Variants in RIMBP2 observed in about 807,000 individuals in gnomAD.
The protein encoded by RIMBP2 is RIMS binding protein 2, also known as RIMS-binding protein 2.
RIMBP2 carries 48 observed loss-of-function variants against 118.6 expected under a neutral mutation model. The observed-to-expected ratio is 0.40, with a 90% CI of 0.32 to 0.51. The LOEUF is 0.51. Ranked by LOEUF, RIMBP2 falls within the 20% of genes least tolerant of loss-of-function variation. RIMBP2 has a pLI of 0.41. For synonymous variants in RIMBP2, 762 were observed against 742.9 expected, an observed-to-expected ratio of 1.03 and a Z score of -0.42; for missense variants, 1,551 against 1,768.3, an observed-to-expected ratio of 0.88 and a Z score of 2.20.
intron 2 of RIMBP2, among the ~76,000 whole-genome samples, chr12:130,572,566 T>G (rs937925355): frequency 1.2e-4 from 18 of 152,010 alleles, no homozygotes; most frequent in African/African-American, 4.4e-4. Flanking sequence ...GCTGGATGAT[T>G]CTAGAAAGCT....
At chr12:130,472,690 G>A (rs145441393) in intron 5 of RIMBP2, among the ~76,000 whole-genome samples, 9 of 152,226 alleles carry the variant, frequency 5.9e-5, no homozygotes, top group African/African-American at 1.2e-4. Flanking sequence ...TCAAAATTCC[G>A]TGCGCTGAAA....
intron 1 of RIMBP2, among the ~76,000 whole-genome samples, chr12:130,700,217 T>A (rs994994548): frequency 6.6e-6 from 1 of 152,174 alleles, no homozygotes; most frequent in Admixed American, 6.5e-5. Flanking sequence ...AGGCCATTTC[T>A]ACAAAGACCC....
chr12:130,446,939 G>T lies in RIMBP2; in HGVS notation c.582-1670C>A, dbSNP rs1335346719. ...GCAGGGATGAGGGACTGAGGTGCAGGAGGACCCTCGGCTTTCTGGCCTCAG... is the reference window on the plus strand; with the variant it reads ...GCAGGGATGAGGGACTGAGGTGCAGTAGGACCCTCGGCTTTCTGGCCTCAG... On this transcript the variant is annotated intron_variant, in intron 9 of 22. Transcript: ENST00000690449. The surrounding 1 kb of genome is among the most constrained non-coding windows in gnomAD (Gnocchi z 4.1). 5.3e-5 allele frequency among the ~76,000 whole-genome samples: 8 copies of T among 151,640 alleles called. No homozygotes were observed. Among genetic ancestry groups the T allele is most frequent in the Admixed American group, 2.6e-4 (4 of 15,216 alleles).
At chr12:130,512,030 C>T (rs1321441545) in intron 3 of RIMBP2, among the ~76,000 whole-genome samples, 5 of 152,144 alleles carry the variant, frequency 3.3e-5, no homozygotes, top group Non-Finnish European at 7.4e-5. Flanking sequence ...GAGAAGGGGG[C>T]GTTCTCTAAT....
intron 7 of RIMBP2, among the ~76,000 whole-genome samples, chr12:130,454,844 C>A (rs1180558871): frequency 2.0e-5 from 3 of 152,216 alleles, no homozygotes; most frequent in Non-Finnish European, 2.9e-5. Flanking sequence ...CCGGGCAGGC[C>A]TGGGACTGCT....
chr12:130,498,650 A>AG (rs1219747389), intron 4 of RIMBP2, among the ~76,000 whole-genome samples: 2 of 151,528 alleles, frequency 1.3e-5, no homozygotes, highest in Admixed American at 6.6e-5. Flanking sequence ...AAAAAAAAAA[A>AG]ACACTCAGTG....
Position 130,397,171 on chromosome 12 carries a change from G to A in RIMBP2, c.*190C>T, listed in dbSNP as rs1234771024. On this transcript the variant is annotated 3_prime_UTR_variant, in exon 23 of 23. Coordinates refer to ENST00000690449, the MANE Select transcript of RIMBP2 (RefSeq NM_001393629.1). ...GGACAATGAGAGCAGACTGCCAGCG[G>A]TGACAGAGAGCAACCGCTCCTCTTT... 2.8e-6 allele frequency: 1 copy of A among 356,114 alleles called. No individual in the cohort carries two copies. Among genetic ancestry groups the A allele is most frequent in the East Asian group, 4.0e-5 (1 of 24,772 alleles). 22.1% of individuals were successfully genotyped at this position (356,114 alleles called of 1,614,324 possible).
At chr12:130,433,273 C>A (rs1051672597) in intron 14 of RIMBP2, among the ~76,000 whole-genome samples, 2 of 152,190 alleles carry the variant, frequency 1.3e-5, no homozygotes, top group Admixed American at 6.5e-5. Context: ...GAGCCAATTC[C>A]ACCTCATTCT....
At chr12:130,649,411 G>C (rs1402129221) in intron 1 of RIMBP2, among the ~76,000 whole-genome samples, 1 of 152,210 alleles carries the variant, frequency 6.6e-6, no homozygotes, top group Non-Finnish European at 1.5e-5. Context: ...CAGCCAGTGG[G>C]GTACTGGGAA....
intron 1 of RIMBP2, among the ~76,000 whole-genome samples, chr12:130,701,537 C>T (rs1376451271): frequency 6.6e-6 from 1 of 152,094 alleles, no homozygotes; most frequent in Non-Finnish European, 1.5e-5. Flanking sequence ...GAAACCTTCA[C>T]AGTCAGGCCC....
chr12:130,441,408 A>AATAATCATAATC (rs763616136), intron 11 of RIMBP2, among the ~76,000 whole-genome samples: 18 of 87,134 alleles, frequency 2.1e-4, no homozygotes, highest in South Asian at 1.2e-3. Context: ...CTCAAATAAT[A>AATAATCATAATC]ATAATAATAA....
rs867958961 is a variant in RIMBP2, at chr12:130,639,498, A to G, written c.-351-11042T>C. ...ACAAGATCCTGCCTCAAAAAAAAAA[A>G]AAAAAAAAAAAAAAACCAACTAAGT... On this transcript the variant is annotated intron_variant, in intron 1 of 22. Coordinates refer to ENST00000690449, the MANE Select transcript of RIMBP2 (RefSeq NM_001393629.1). 3.8e-4 allele frequency among the ~76,000 whole-genome samples: 57 copies of G among 151,058 alleles called. No homozygotes were observed. In the South Asian group the frequency reaches 0.012, roughly 32 times the overall value.
chr12:130,630,461 A>G (rs1158479605), intron 1 of RIMBP2, among the ~76,000 whole-genome samples: 2 of 152,176 alleles, frequency 1.3e-5, no homozygotes, highest in Non-Finnish European at 2.9e-5. Context: ...TGACATAAAC[A>G]ACCAAAATAT....
Position 130,534,672 on chromosome 12 carries a change from A to AT in RIMBP2, c.-216-16756dup, listed in dbSNP as rs1480446768. ...CAGTGGTGCCTGCAGAGGCATGAACATAGCTAAGTTCACCCATGTCATAGA... is the reference window on the plus strand; with the variant it reads ...CAGTGGTGCCTGCAGAGGCATGAACATTAGCTAAGTTCACCCATGTCATAGA... On this transcript the variant is annotated intron_variant, in intron 2 of 22. Transcript: ENST00000690449. 3.5e-4 allele frequency among the ~76,000 whole-genome samples: 54 copies of AT among 152,238 alleles called. 1 individual carries two copies. The highest frequency in any genetic ancestry group is 3.5e-3 in the Admixed American group (54 of 15,290).
At chr12:130,438,555 C>G in intron 11 of RIMBP2, 39 bp from the exon 12 acceptor site, 1 of 1,504,924 alleles carries the variant, frequency 6.6e-7, no homozygotes, top group Non-Finnish European at 8.9e-7. Context: ...GTTCAGGGAC[C>G]AGCCCTGGCA....
chr12:130,479,585 C>T, intron 4 of RIMBP2, among the ~76,000 whole-genome samples: 1 of 127,272 alleles, frequency 7.9e-6, no homozygotes, highest in East Asian at 3.1e-4. Context: ...AACCCAGAGT[C>T]CGCACCCTCC....
intron 3 of RIMBP2, among the ~76,000 whole-genome samples, chr12:130,514,284 C>T (rs1262367951): frequency 1.3e-5 from 2 of 152,238 alleles, no homozygotes; most frequent in Non-Finnish European, 2.9e-5. Context: ...TGCCTTGCAG[C>T]CTTGTTTAAA....
At position 130,523,948 on chromosome 12, in the gene RIMBP2, T is replaced by C. The variant is rs530007561; in HGVS notation, c.-216-6031A>G. 1.3e-5 allele frequency among the ~76,000 whole-genome samples: 2 copies of C among 152,202 alleles called. No individual in the cohort carries two copies. Among genetic ancestry groups the C allele is most frequent in the South Asian group, 4.2e-4 (2 of 4,816 alleles). ...AAAGGCATGTAAGGGCACAGCAAGG[T>C]CTCTGGCTCTCAGGATCTGGTATCC... On this transcript the variant is annotated intron_variant, in intron 2 of 22. Coordinates refer to ENST00000690449, the MANE Select transcript of RIMBP2 (RefSeq NM_001393629.1). This position sits in a 1 kb window ranked among gnomAD's most constrained non-coding sequence, Gnocchi z 4.4.
rs116324950 is a variant in RIMBP2, at chr12:130,703,456, G to A, written c.-352+12766C>T. On this transcript the variant is annotated intron_variant, in intron 1 of 22. Transcript: ENST00000690449. The surrounding 1 kb of genome is among the most constrained non-coding windows in gnomAD (Gnocchi z 5.7). Reference sequence around the variant, plus strand: ...AACGATCACTGTTTTTTAAAAGCGTGGCACGGGCACTCCCTCGGCCACCCG... The same window carrying A: ...AACGATCACTGTTTTTTAAAAGCGTAGCACGGGCACTCCCTCGGCCACCCG... Among the ~76,000 whole-genome samples the A allele has an allele frequency of 6.9e-3, 1,048 of 152,272 alleles. 16 individuals are homozygous for A. Among genetic ancestry groups the A allele is most frequent in the African/African-American group, 0.024 (1,000 of 41,514 alleles).
Sources: gnomAD v4.1 joint callset for allele counts (sites outside exome capture counted in the v4.1 genomes callset) on GRCh38, gnomAD v4.1.1 for gene constraint, Gnocchi (gnomAD v3.1) non-coding constraint, MANE v1.5 for transcripts, NCBI Gene and HGNC (gene_info 2026-07-23, HGNC 2026-07-21) for gene names.